Variants in ANKFN1 observed in about 807,000 individuals in gnomAD.
The protein encoded by ANKFN1 is ankyrin repeat and fibronectin type III domain containing 1.
Under a neutral mutation model 108.7 loss-of-function variants are expected in ANKFN1, and 74 were observed. The observed-to-expected ratio is 0.68, with a 90% confidence interval of 0.56 to 0.83. ANKFN1 has a LOEUF of 0.83. Among genes scored for constraint, ANKFN1 ranks in the 40% least tolerant of loss-of-function variants. The pLI is 0.00. For synonymous variants in ANKFN1, 547 were observed against 516.2 expected, an observed-to-expected ratio of 1.06 and a Z score of -0.81; for missense variants, 1,505 against 1,382.3, an observed-to-expected ratio of 1.09 and a Z score of -1.41.
intron 3 of ANKFN1, among the ~76,000 whole-genome samples, chr17:56,320,181 A>C (rs2045322506): frequency 6.6e-6 from 1 of 152,176 alleles, no homozygotes; most frequent in African/African-American, 2.4e-5. Flanking sequence ...TTATTTTTCC[A>C]CTGAGCTATT....
intron 2 of ANKFN1, among the ~76,000 whole-genome samples, chr17:56,223,660 T>C (rs766881619): frequency 4.6e-5 from 7 of 152,164 alleles, no homozygotes; most frequent in Non-Finnish European, 7.4e-5. Flanking sequence ...AACAATCTGA[T>C]ATCACTTTTT....
intron 3 of ANKFN1, among the ~76,000 whole-genome samples, chr17:56,299,001 A>G (rs1179142292): frequency 6.6e-6 from 1 of 152,218 alleles, no homozygotes; most frequent in African/African-American, 2.4e-5. Flanking sequence ...ACTTCATCTG[A>G]GTCCCAGCCA....
chr17:56,352,821 T>A (rs1312553704), intron 5 of ANKFN1, among the ~76,000 whole-genome samples: 1 of 152,110 alleles, frequency 6.6e-6, no homozygotes, highest in East Asian at 1.9e-4. Flanking sequence ...GGAAGTAACA[T>A]GTAACATGTA....
intron 4 of ANKFN1, among the ~76,000 whole-genome samples, chr17:56,114,007 G>A (rs370738981): frequency 7.9e-5 from 12 of 152,258 alleles, no homozygotes; most frequent in East Asian, 1.9e-4. Flanking sequence ...ATTTCGTTGC[G>A]TAGATGAGAA....
intron 4 of ANKFN1, among the ~76,000 whole-genome samples, chr17:56,143,079 C>T (rs1002626404): frequency 5.3e-5 from 8 of 151,694 alleles, no homozygotes; most frequent in Non-Finnish European, 8.8e-5. Context: ...GAAGACATTG[C>T]GAAGAATTCC....
intron 2 of ANKFN1, among the ~76,000 whole-genome samples, chr17:56,227,304 A>C (rs1294400632): frequency 6.6e-6 from 1 of 152,136 alleles, no homozygotes; most frequent in Admixed American, 6.5e-5. Flanking sequence ...TGGCCTTCCA[A>C]GCATAGGCAC....
intron 13 of ANKFN1, 115 bp from the exon 14 acceptor site, chr17:56,457,748 G>A: frequency 2.6e-6 from 2 of 762,868 alleles, no homozygotes; most frequent in East Asian, 5.0e-5. Context: ...TCTGAAAATG[G>A]ACTGGAGAAT....
intron 3 of ANKFN1, among the ~76,000 whole-genome samples, chr17:56,298,235 A>G (rs2044570236): frequency 6.6e-6 from 1 of 152,256 alleles, no homozygotes; most frequent in Non-Finnish European, 1.5e-5. Context: ...AAAATGCACC[A>G]AAAGATATAG....
intron 4 of ANKFN1, among the ~76,000 whole-genome samples, chr17:56,056,357 T>G (rs1224321890): frequency 7.4e-6 from 1 of 134,682 alleles, no homozygotes; most frequent in East Asian, 2.0e-4. Context: ...AGACCCTGAA[T>G]AGTCAAAACA....
At chr17:56,446,783 G>T (rs1424876504) in intron 10 of ANKFN1, among the ~76,000 whole-genome samples, 1 of 151,118 alleles carries the variant, frequency 6.6e-6, no homozygotes, top group African/African-American at 2.4e-5. Flanking sequence ...ACACACCTGT[G>T]GTCCCCAGCT....
Position 56,316,496 on chromosome 17 carries a change from A to G in ANKFN1, c.54-9725A>G, listed in dbSNP as rs2045212544. Among the ~76,000 whole-genome samples, 3 of 152,120 alleles carry G rather than the reference A, an allele frequency of 2.0e-5. No individual in the cohort carries two copies. The South Asian group carries it at 6.2e-4, about 32-fold the overall frequency. On this transcript the variant is annotated intron_variant, in intron 3 of 20. Coordinates refer to ENST00000682825, the MANE Select transcript of ANKFN1 (RefSeq NM_001370326.1). ...GGCTGTGAAATAAATGGAGAAAAGG[A>G]CCTGGAAAATACGGAAGGCTTCTTT...
intron 11 of ANKFN1, among the ~76,000 whole-genome samples, 172 bp downstream of exon 11, chr17:56,449,358 C>T (rs1045928031): frequency 6.6e-6 from 1 of 152,042 alleles, no homozygotes; most frequent in African/African-American, 2.4e-5. Flanking sequence ...TCAGAAGAGA[C>T]TTCCCTCTCC....
At position 56,108,331 on chromosome 17, in the gene ANKFN1, GC is replaced by G. The variant is rs550502681; in HGVS notation, c.288+62008del. Among the ~76,000 whole-genome samples the G allele has an allele frequency of 1.4e-3, 210 of 152,276 alleles. 1 individual carries two copies. The highest frequency in any genetic ancestry group is 2.0e-3 in the Non-Finnish European group (135 of 68,030). On this transcript the variant is annotated intron_variant, in intron 4 of 12. Transcript: ENST00000635860. ...TTACAGGTGTGAGCCACGGCGCCTGGCCTCCCATAGCACTTTCATTACATGC... is the reference window on the plus strand; with the variant it reads ...TTACAGGTGTGAGCCACGGCGCCTGGCTCCCATAGCACTTTCATTACATGC...
At chr17:56,221,418 A>C (rs1405998866) in intron 2 of ANKFN1, among the ~76,000 whole-genome samples, 1 of 152,200 alleles carries the variant, frequency 6.6e-6, no homozygotes, top group African/African-American at 2.4e-5. Context: ...AAAGGTGACC[A>C]AATTATGAAA....
intron 1 of ANKFN1, among the ~76,000 whole-genome samples, chr17:56,194,754 G>A (rs10221265): frequency 0.16 from 24,395 of 152,144 alleles, 3,168 homozygotes; most frequent in African/African-American, 0.35. Flanking sequence ...GGGTGATAAT[G>A]ATGTGTCAAT....
Position 56,102,874 on chromosome 17 carries a change from C to A in ANKFN1, c.288+56549C>A, listed in dbSNP as rs372395029. Among the ~76,000 whole-genome samples, 6 of 152,332 alleles carry A rather than the reference C, an allele frequency of 3.9e-5. No homozygotes were observed. The South Asian group carries it at 6.2e-4, about 16-fold the overall frequency. On this transcript the variant is annotated intron_variant, in intron 4 of 12. Coordinates refer to the ANKFN1 transcript ENST00000635860. ...GATTAAAGGCATGAGCCACTGTGCC[C>A]AGCCTATCGCTAAAATATTGTAACC...
chr17:56,432,332 GACT>G (rs140653484), intron 8 of ANKFN1, among the ~76,000 whole-genome samples: 2,213 of 152,250 alleles, frequency 0.015, 64 homozygotes, highest in African/African-American at 0.051. Flanking sequence ...TTAGTGATGT[GACT>G]ACTTTTAGTT....
At chr17:56,441,493 T>G (rs989052430) in intron 9 of ANKFN1, among the ~76,000 whole-genome samples, 6 of 152,136 alleles carry the variant, frequency 3.9e-5, no homozygotes, top group Non-Finnish European at 7.3e-5. Flanking sequence ...AACTGTGGAT[T>G]ACCAGAGCAA....
At chr17:56,233,712 G>A (rs1283232541) in intron 3 of ANKFN1, among the ~76,000 whole-genome samples, 2 of 151,814 alleles carry the variant, frequency 1.3e-5, no homozygotes, top group South Asian at 2.1e-4. Flanking sequence ...ATGTTTGCCT[G>A]TGTGTACGTG....
Sources: allele counts gnomAD v4.1 joint callset (sites outside exome capture counted in the v4.1 genomes callset), GRCh38; gene constraint gnomAD v4.1.1; transcripts MANE v1.5; gene names NCBI Gene and HGNC (gene_info 2026-07-23, HGNC 2026-07-21).